The following PDS5B variants were observed in gnomAD, a reference collection of about 807,000 sequenced individuals.
PDS5B encodes the protein PDS5 cohesin associated factor B.
In PDS5B, 51 loss-of-function variants were observed where a neutral mutation model predicts 184.1. That is an observed-to-expected ratio of 0.28 (90% CI 0.22 to 0.35). The LOEUF (loss-of-function observed/expected upper bound fraction) is 0.35. Ranked by LOEUF, PDS5B falls within the 10% of genes least tolerant of loss-of-function variation. The pLI is 1.00. For synonymous variants in PDS5B, 566 were observed against 569.2 expected, an observed-to-expected ratio of 0.99 and a Z score of 0.08; for missense variants, 1,180 against 1,723.3, an observed-to-expected ratio of 0.68 and a Z score of 5.58.
At chr13:32,697,937 A>C (rs1951754915) in intron 15 of PDS5B, among the ~76,000 whole-genome samples, 1 of 152,088 alleles carries the variant, frequency 6.6e-6, no homozygotes, top group Non-Finnish European at 1.5e-5. Context: ...CTAGTGCTGA[A>C]CTGCTGGCCT....
chr13:32,764,778 T>G (rs1954532127), intron 31 of PDS5B, among the ~76,000 whole-genome samples, 184 bp downstream of exon 31: 1 of 152,202 alleles, frequency 6.6e-6, no homozygotes, highest in South Asian at 2.1e-4. Context: ...AATCTGTGCT[T>G]CTTATCAATG....
intron 19 of PDS5B, among the ~76,000 whole-genome samples, chr13:32,717,103 C>T (rs2140912042): frequency 6.6e-6 from 1 of 151,814 alleles, no homozygotes; most frequent in East Asian, 2.0e-4. Context: ...GCCGCCCCGT[C>T]CGGGAGGTGA....
chr13:32,611,798 G>A lies in PDS5B; in HGVS notation c.-20+25205G>A, dbSNP rs114903908. Among the ~76,000 whole-genome samples the A allele has an allele frequency of 2.3e-3, 346 of 150,790 alleles. 3 individuals are homozygous for A. The highest frequency in any genetic ancestry group is 7.7e-3 in the African/African-American group (318 of 41,072). ...TGCTGGGATTACAAGCATGAGCCAC[G>A]GTGCCTGGTTCTCACTGCCCCCGCC... On this transcript the variant is annotated intron_variant, in intron 1 of 34. Coordinates refer to ENST00000315596, the MANE Select transcript of PDS5B (RefSeq NM_015032.4).
intron 8 of PDS5B, among the ~76,000 whole-genome samples, chr13:32,673,875 G>T (rs1950999394): frequency 6.6e-6 from 1 of 152,038 alleles, no homozygotes; most frequent in Admixed American, 6.6e-5. Context: ...GAGTGCAGTG[G>T]TGTGATCTTG....
intron 3 of PDS5B, 97 bp from the exon 4 acceptor site, chr13:32,658,142 T>C: frequency 1.6e-6 from 1 of 614,082 alleles, no homozygotes; most frequent in Non-Finnish European, 2.9e-6. Context: ...TTTATTATGA[T>C]ATGTACACAT....
chr13:32,670,212 A>G (rs181957068), intron 7 of PDS5B, among the ~76,000 whole-genome samples: 39 of 151,978 alleles, frequency 2.6e-4, no homozygotes, highest in Middle Eastern at 3.4e-3. Flanking sequence ...TTTATGTATT[A>G]AAATTTGTTG....
intron 10 of PDS5B, among the ~76,000 whole-genome samples, chr13:32,681,593 C>A (rs1366125157): frequency 2.0e-5 from 3 of 151,300 alleles, no homozygotes; most frequent in Non-Finnish European, 4.4e-5. Flanking sequence ...GCCACTGCAC[C>A]CCAGCCTGGG....
At chr13:32,696,715 AG>A in intron 14 of PDS5B, 138 bp from the exon 15 acceptor site, 1 of 634,944 alleles carries the variant, frequency 1.6e-6, no homozygotes, top group Non-Finnish European at 2.8e-6. Flanking sequence ...TAATAAAAAT[AG>A]ATGAAGAAGG....
At chr13:32,595,198 T>C (rs2057842320) in intron 1 of PDS5B, among the ~76,000 whole-genome samples, 1 of 152,298 alleles carries the variant, frequency 6.6e-6, no homozygotes, top group Non-Finnish European at 1.5e-5. Context: ...GGGGATGACA[T>C]GACTAGGTTT....
Position 32,701,429 on chromosome 13 carries a change from A to T in PDS5B, c.1847A>T (p.Glu616Val). Residue 616 changes from glutamate (E) to valine (V), a missense_variant, in exon 17 of 35, where the codon GAA becomes GTA. Transcript: ENST00000315596. ...ATAGCACCTGTGCACATAGATACCG[A>T]ATCTATCAGGTATTTGTATATAAAA... ...ERIAPVHIDTESISALIKQVN... is the reference protein window; with the variant it reads ...ERIAPVHIDTVSISALIKQVN... The T allele has an allele frequency of 6.4e-7, 1 of 1,552,648 alleles. No homozygotes were observed. The highest frequency in any genetic ancestry group is 1.4e-5 in the African/African-American group (1 of 73,608).
At chr13:32,746,276 G>A (rs527913789) in intron 24 of PDS5B, among the ~76,000 whole-genome samples, 176 bp downstream of exon 24, 16 of 152,284 alleles carry the variant, frequency 1.1e-4, no homozygotes, top group Non-Finnish European at 1.8e-4. Context: ...GTTTTGGGTT[G>A]CTAACATAGT....
intron 24 of PDS5B, among the ~76,000 whole-genome samples, chr13:32,746,496 A>G (rs1302102049): frequency 1.3e-5 from 2 of 152,174 alleles, no homozygotes; most frequent in African/African-American, 2.4e-5. Flanking sequence ...AGTTGTCTCA[A>G]CTGAACTCAC....
chr13:32,768,190 G>A (rs918432725), intron 31 of PDS5B, among the ~76,000 whole-genome samples: 1 of 152,198 alleles, frequency 6.6e-6, no homozygotes, highest in Non-Finnish European at 1.5e-5. Context: ...GAGGCTGGAA[G>A]TACAAGATCA....
At chr13:32,594,751 T>C (rs1377718459) in intron 1 of PDS5B, among the ~76,000 whole-genome samples, 2 of 152,212 alleles carry the variant, frequency 1.3e-5, no homozygotes, top group African/African-American at 4.8e-5. Context: ...TGGAAGCTAT[T>C]CCTACACCTT....
intron 31 of PDS5B, among the ~76,000 whole-genome samples, chr13:32,767,368 C>T (rs746634069): frequency 6.6e-6 from 1 of 152,256 alleles, no homozygotes; most frequent in Middle Eastern, 3.4e-3. Context: ...AAGCAACCTG[C>T]TGTCACCACT....
At chr13:32,698,326 A>G (rs904659895) in intron 15 of PDS5B, among the ~76,000 whole-genome samples, 1 of 152,068 alleles carries the variant, frequency 6.6e-6, no homozygotes, top group Non-Finnish European at 1.5e-5. Context: ...ACACTTTCCA[A>G]AATTATTTGA....
At chr13:32,604,025 G>A (rs1257088026) in intron 1 of PDS5B, among the ~76,000 whole-genome samples, 1 of 152,132 alleles carries the variant, frequency 6.6e-6, no homozygotes, top group East Asian at 1.9e-4. Flanking sequence ...CTGCAAGCAG[G>A]GACAATTTGA....
chr13:32,716,202 A>G (rs1952400979), intron 19 of PDS5B, among the ~76,000 whole-genome samples: 1 of 141,622 alleles, frequency 7.1e-6, no homozygotes, highest in African/African-American at 2.7e-5. Context: ...GTGCCATCCC[A>G]TCTAGGAAGT....
intron 1 of PDS5B, among the ~76,000 whole-genome samples, chr13:32,592,262 C>CT (rs567677865): frequency 1.3e-4 from 20 of 151,422 alleles, no homozygotes; most frequent in East Asian, 7.8e-4. Flanking sequence ...TTTTGGTTTT[C>CT]TTTTTTTTTG....
Sources: allele counts gnomAD v4.1 joint callset (sites outside exome capture counted in the v4.1 genomes callset), GRCh38; gene constraint gnomAD v4.1.1; transcripts MANE v1.5; gene names NCBI Gene and HGNC (gene_info 2026-07-23, HGNC 2026-07-21).